ZCWPW1: variants seen among roughly 807,000 people sequenced by gnomAD.
ZCWPW1 encodes the protein zinc finger CW-type PWWP domain protein 1.
A neutral mutation model predicts 81.3 loss-of-function variants in ZCWPW1; 56 were observed. That is an observed-to-expected ratio of 0.69 (90% CI 0.56 to 0.86). The LOEUF is 0.86. Among genes scored for constraint, ZCWPW1 ranks in the 40% least tolerant of loss-of-function variants. ZCWPW1 has a pLI of 0.00. For synonymous variants in ZCWPW1, 250 were observed against 273.7 expected, an observed-to-expected ratio of 0.91 and a Z score of 0.86; for missense variants, 650 against 769.8, an observed-to-expected ratio of 0.84 and a Z score of 1.84.
At position 100,408,574 on chromosome 7, in the gene ZCWPW1, T is replaced by A; in HGVS notation, c.957A>T (p.Gly319=). ...CGTATTGCTTGGCCCAGATGATGGATCCTGGGATGTAGGAGGCATAGGCCA... is the reference window on the plus strand; with the variant it reads ...CGTATTGCTTGGCCCAGATGATGGAACCTGGGATGTAGGAGGCATAGGCCA... ...SDVAYASYIP[G]SIIWAKQYGY... Residue 319 remains glycine, a synonymous_variant, in exon 10 of 18, where the codon GGA becomes GGT. Coordinates refer to ENST00000684423, the MANE Select transcript of ZCWPW1 (RefSeq NM_001386010.1). The A allele has an allele frequency of 6.2e-7, 1 of 1,613,998 alleles. No homozygotes were observed. The highest frequency in any genetic ancestry group is 8.5e-7 in the Non-Finnish European group (1 of 1,179,958).
chr7:100,409,480 C>T lies in ZCWPW1; in HGVS notation c.819G>A (p.Gly273=), dbSNP rs747595302. 1.2e-6 allele frequency: 2 copies of T among 1,614,114 alleles called. No individual in the cohort carries two copies. Among genetic ancestry groups the T allele is most frequent in the Non-Finnish European group, 1.7e-6 (2 of 1,179,998 alleles). Residue 273 remains glycine, a synonymous_variant, in exon 9 of 18, where the codon GGG becomes GGA. Transcript: ENST00000684423. ...PNCGKWRRLC[G]NIDPSVLPDN... ...CTGGGAGAACTGAGGGGTCAATGTTCCCACACAGCCGCCTCCATTTCCCAC... is the reference window on the plus strand; with the variant it reads ...CTGGGAGAACTGAGGGGTCAATGTTTCCACACAGCCGCCTCCATTTCCCAC...
At chr7:100,427,711 A>G (rs1007177658) in intron 1 of ZCWPW1, among the ~76,000 whole-genome samples, 3 of 151,850 alleles carry the variant, frequency 2.0e-5, no homozygotes, top group Non-Finnish European at 4.4e-5. Flanking sequence ...AAAAAAAAAA[A>G]AAAAGCCCCA....
At chr7:100,428,295 G>A (rs751831155) in intron 1 of ZCWPW1, among the ~76,000 whole-genome samples, 1 of 151,996 alleles carries the variant, frequency 6.6e-6, no homozygotes, top group Non-Finnish European at 1.5e-5. Context: ...TCCACCCGAG[G>A]GCGGTGCGCT....
Position 100,400,891 on chromosome 7 carries a change from T to C in ZCWPW1, c.*123A>G. 1 of 1,147,736 alleles carries C rather than the reference T, an allele frequency of 8.7e-7. No homozygotes were observed. Among genetic ancestry groups the C allele is most frequent in the Non-Finnish European group, 1.2e-6 (1 of 843,170 alleles). 71.1% of individuals were successfully genotyped at this position (1,147,736 alleles called of 1,614,324 possible). ...ACCCAGTCGACTGTAACCTGCTTTA[T>C]TAACACAGAAACTGCACCACACACA... On this transcript the variant is annotated 3_prime_UTR_variant, in exon 18 of 18. Coordinates refer to ENST00000684423, the MANE Select transcript of ZCWPW1 (RefSeq NM_001386010.1).
At position 100,402,528 on chromosome 7, in the gene ZCWPW1, T is replaced by G. The variant is rs1000070255; in HGVS notation, c.1462A>C (p.Thr488Pro). ...CTGGCCTGCTTACCTCTTGGCTTGGTTTTTTGGGTCTGTATTTTGACTCGC... is the reference window on the plus strand; with the variant it reads ...CTGGCCTGCTTACCTCTTGGCTTGGGTTTTTGGGTCTGTATTTTGACTCGC... ...RKRVKIQTQK[T>P]KPRGLGGDAG... The change falls in exon 16 of 18, where the codon ACC becomes CCC. Residue 488 changes from threonine (T) to proline (P), a missense_variant. Thr to Pro is a conservative substitution (Grantham distance 38). Transcript: ENST00000684423. The G allele has an allele frequency of 8.7e-6, 14 of 1,614,040 alleles. No homozygotes were observed. Among genetic ancestry groups the G allele is most frequent in the Non-Finnish European group, 1.2e-5 (14 of 1,179,938 alleles).
chr7:100,415,479 C>T (rs770392517), intron 8 of ZCWPW1, among the ~76,000 whole-genome samples: 7 of 152,138 alleles, frequency 4.6e-5, no homozygotes, highest in East Asian at 1.9e-4. Context: ...CTGCCATTCA[C>T]GCTTATCAAC....
At chr7:100,407,099 C>T (rs766085914) in intron 11 of ZCWPW1, 129 bp downstream of exon 11, 30 of 795,016 alleles carry the variant, frequency 3.8e-5, no homozygotes, top group Non-Finnish European at 6.1e-5. Flanking sequence ...TGTTTGTCAT[C>T]CTAGTTAAGT....
chr7:100,404,963 C>T (rs182080895), intron 13 of ZCWPW1, 50 bp downstream of exon 13: 12 of 1,567,904 alleles, frequency 7.7e-6, no homozygotes, highest in Middle Eastern at 1.7e-4. Flanking sequence ...AAGAATCCCC[C>T]TTGTCCAAGA....
At position 100,409,427 on chromosome 7, in the gene ZCWPW1, CCTGTGTTCTGAT is replaced by C; in HGVS notation, c.860_871del (p.Gln288_Asp291del). 1 of 1,607,248 alleles carries C rather than the reference CCTGTGTTCTGAT, an allele frequency of 6.2e-7. No individual in the cohort carries two copies. ...ATGAAAACATTTCCAGTCTTTTCTA[CCTGTGTTCTGAT>C]CACAGGACCAATTATCTGGGAGAAC... On this transcript the variant is annotated inframe_deletion and splice_region_variant, in exon 9 of 18. Coordinates refer to ENST00000684423, the MANE Select transcript of ZCWPW1 (RefSeq NM_001386010.1).
intron 2 of ZCWPW1, among the ~76,000 whole-genome samples, chr7:100,424,714 C>T (rs1296821184): frequency 6.6e-6 from 1 of 152,148 alleles, no homozygotes. Context: ...CCTGCCTCAG[C>T]CTCCCAAAGT....
chr7:100,413,784 G>A (rs1794672283), intron 8 of ZCWPW1, among the ~76,000 whole-genome samples: 1 of 151,674 alleles, frequency 6.6e-6, no homozygotes, highest in Non-Finnish European at 1.5e-5. Flanking sequence ...TAGAGACGGG[G>A]GTCTCACTAT....
Position 100,417,062 on chromosome 7 carries a change from T to G in ZCWPW1, c.479+4A>C, listed in dbSNP as rs1584272738. ...TTCAACTTGCCTCACTGAAATAAACTTACCCATTAGCATTATCAGTATCAG... is the reference window on the plus strand; with the variant it reads ...TTCAACTTGCCTCACTGAAATAAACGTACCCATTAGCATTATCAGTATCAG... On this transcript the variant is annotated splice_donor_region_variant and intron_variant, in intron 6 of 17. Transcript: ENST00000684423. 1 of 1,610,646 alleles carries G rather than the reference T, an allele frequency of 6.2e-7. No homozygotes were observed. Among genetic ancestry groups the G allele is most frequent in the Non-Finnish European group, 8.5e-7 (1 of 1,176,892 alleles).
At chr7:100,421,957 G>T (rs1796432518) in intron 2 of ZCWPW1, among the ~76,000 whole-genome samples, 1 of 152,136 alleles carries the variant, frequency 6.6e-6, no homozygotes, top group South Asian at 2.1e-4. Flanking sequence ...CTCCCAAAGT[G>T]CTGGGATTAC....
In ZCWPW1 at chr7:100,417,202, A is replaced by G. The variant is rs1357195482; in HGVS notation, c.362-19T>C. The G allele has an allele frequency of 2.5e-6, 4 of 1,601,900 alleles. No homozygotes were observed. The highest frequency in any genetic ancestry group is 3.4e-6 in the Non-Finnish European group (4 of 1,172,728). On this transcript the variant is annotated intron_variant, in intron 5 of 17. Coordinates refer to ENST00000684423, the MANE Select transcript of ZCWPW1 (RefSeq NM_001386010.1). ...CCCATCCCTCCCAAAACAAAATACTATAAGCAGAGAAGCAAAAAAACGAAA... is the reference window on the plus strand; with the variant it reads ...CCCATCCCTCCCAAAACAAAATACTGTAAGCAGAGAAGCAAAAAAACGAAA...
At position 100,406,717 on chromosome 7, in the gene ZCWPW1, G is replaced by A. The variant is rs373166304; in HGVS notation, c.1150C>T (p.Leu384=). ...PVNMLKNFQE[L]SLELSVMKKR... ...ACCATGACTGATAGCTCCAGGGACA[G>A]CTCCTGGAAGTTCTTTAGCATGTTG... Residue 384 remains leucine (L), a synonymous_variant, in exon 12 of 18, where the codon CTG becomes TTG. Transcript: ENST00000684423. The A allele has an allele frequency of 2.5e-6, 4 of 1,614,192 alleles. No homozygotes were observed. The highest frequency in any genetic ancestry group is 1.1e-5 in the South Asian group (1 of 91,082).
Position 100,420,612 on chromosome 7 carries a change from CTT to C in ZCWPW1, c.28+8_28+9del, listed in dbSNP as rs1212459344. The C allele has an allele frequency of 6.2e-7, 1 of 1,613,998 alleles. No homozygotes were observed. The highest frequency in any genetic ancestry group is 8.5e-7 in the Non-Finnish European group (1 of 1,180,038). On this transcript the variant is annotated splice_region_variant and intron_variant, in intron 3 of 17. Coordinates refer to ENST00000684423, the MANE Select transcript of ZCWPW1 (RefSeq NM_001386010.1). ...ATGTATGAAGCGAACCTCCCTCACT[CTT>C]GACTCACCTTCTTTATTCTGCAACG...
At chr7:100,412,735 C>A (rs1167256299) in intron 8 of ZCWPW1, among the ~76,000 whole-genome samples, 1 of 152,122 alleles carries the variant, frequency 6.6e-6, no homozygotes, top group Non-Finnish European at 1.5e-5. Flanking sequence ...GCGCCCGCTA[C>A]CACACCCGGC....
rs141399212 is a variant in ZCWPW1, at chr7:100,421,779, G to A, written c.-29-1101C>T. Among the ~76,000 whole-genome samples the A allele has an allele frequency of 9.3e-3, 1,410 of 150,906 alleles. 11 individuals carry two copies. The highest frequency in any genetic ancestry group is 0.031 in the Middle Eastern group (9 of 294). On this transcript the variant is annotated intron_variant, in intron 2 of 17. Transcript: ENST00000684423. ...GCGATCTCGGTGCACCGCAACCTCCGCCTCCCGGGTTCAAGCGATTCTCCT... is the reference window on the plus strand; with the variant it reads ...GCGATCTCGGTGCACCGCAACCTCCACCTCCCGGGTTCAAGCGATTCTCCT...
intron 16 of ZCWPW1, chr7:100,402,266 T>C: frequency 2.4e-6 from 2 of 816,562 alleles, no homozygotes; most frequent in Non-Finnish European, 4.2e-6. Flanking sequence ...CCTCAGAGTC[T>C]ACCTTCTCCA....
Sources: allele counts gnomAD v4.1 joint callset (sites outside exome capture counted in the v4.1 genomes callset), GRCh38; gene constraint gnomAD v4.1.1; transcripts MANE v1.5; gene names NCBI Gene and HGNC (gene_info 2026-07-23, HGNC 2026-07-21).